Variants in TPRG1 observed in about 807,000 individuals in gnomAD.
The protein encoded by TPRG1 is tumor protein p63-regulated gene 1 protein.
In TPRG1, 29 loss-of-function variants were observed where a neutral mutation model predicts 29.3. The ratio of observed to expected loss-of-function variants is 0.99; its 90% confidence interval spans 0.74 to 1.35. The LOEUF is 1.35. Ranked by LOEUF, TPRG1 falls within the 40% of genes most tolerant of loss-of-function variation. TPRG1 has a pLI of 0.00. For synonymous variants in TPRG1, 130 were observed against 116.8 expected (o/e 1.11, Z -0.73); for missense variants, 327 against 335.0 (o/e 0.98, Z 0.19).
chr3:189,060,261 C>T (rs942117147), intron 4 of TPRG1, among the ~76,000 whole-genome samples: 1 of 152,072 alleles, frequency 6.6e-6, no homozygotes, highest in Non-Finnish European at 1.5e-5. Context: ...AAACAAAAAA[C>T]TCAATAAACT....
chr3:189,147,643 C>T (rs1348193617), exon 4 of TPRG1: 1 of 152,208 alleles, frequency 6.6e-6, no homozygotes, highest in Non-Finnish European at 1.5e-5. Context: ...ATCCCAGGCC[C>T]ACAGGTAAGG....
intron 4 of TPRG1, among the ~76,000 whole-genome samples, chr3:189,272,715 C>T (rs1346563317): frequency 1.4e-4 from 13 of 95,354 alleles, no homozygotes; most frequent in African/African-American, 5.9e-4. Flanking sequence ...CTTTCTTTCT[C>T]CTTCCTTCCT....
At chr3:189,093,714 A>G (rs147775814) in intron 4 of TPRG1, among the ~76,000 whole-genome samples, 200 of 152,318 alleles carry the variant, frequency 1.3e-3, no homozygotes, top group South Asian at 6.2e-3. Context: ...GGCTCATGCC[A>G]CTAAATTCCA....
intron 4 of TPRG1, among the ~76,000 whole-genome samples, chr3:189,150,499 T>C (rs764962114): frequency 3.3e-5 from 5 of 152,102 alleles, no homozygotes; most frequent in Non-Finnish European, 7.4e-5. Flanking sequence ...GGATTTCTAC[T>C]GTTGATTTAC....
intron 4 of TPRG1, among the ~76,000 whole-genome samples, chr3:189,070,547 C>G (rs1716750751): frequency 6.6e-6 from 1 of 152,214 alleles, no homozygotes; most frequent in South Asian, 2.1e-4. Flanking sequence ...ACTGGAGAAA[C>G]TGGGTAAGGT....
intron 2 of TPRG1, among the ~76,000 whole-genome samples, chr3:189,211,344 G>A (rs1735229484): frequency 6.6e-6 from 1 of 152,158 alleles, no homozygotes; most frequent in South Asian, 2.1e-4. Context: ...TTTCTCCAGT[G>A]CCAGGAGTAA....
chr3:189,310,347 T>G, intron 4 of TPRG1, 39 bp from the exon 5 acceptor site: 1 of 1,460,540 alleles, frequency 6.8e-7, no homozygotes, highest in South Asian at 1.5e-5. Context: ...TTTTTGGAAA[T>G]GGAAATGACT....
At chr3:189,063,400 C>T (rs73048772) in intron 4 of TPRG1, among the ~76,000 whole-genome samples, 2,664 of 152,044 alleles carry the variant, frequency 0.018, 77 homozygotes, top group African/African-American at 0.06. Flanking sequence ...ATGAACCACA[C>T]AATTATTCAC....
chr3:189,085,067 A>T, intron 4 of TPRG1, among the ~76,000 whole-genome samples: 1 of 152,364 alleles, frequency 6.6e-6, no homozygotes, highest in East Asian at 1.9e-4. Flanking sequence ...GCTGTTTAAC[A>T]AATGAGGACA....
intron 4 of TPRG1, among the ~76,000 whole-genome samples, chr3:189,261,106 CA>C (rs1400736327): frequency 1.3e-5 from 2 of 152,122 alleles, no homozygotes; most frequent in African/African-American, 4.8e-5. Flanking sequence ...CCTGTCTAGA[CA>C]ATCTAATTAT....
intron 1 of TPRG1, among the ~76,000 whole-genome samples, chr3:189,176,911 T>C (rs1273505391): frequency 6.6e-6 from 1 of 152,228 alleles, no homozygotes; most frequent in Admixed American, 6.5e-5. Flanking sequence ...TCACTCTGAT[T>C]GAAATAGGAG....
chr3:189,150,357 A>G (rs1725776512), intron 4 of TPRG1, among the ~76,000 whole-genome samples: 1 of 152,080 alleles, frequency 6.6e-6, no homozygotes, highest in African/African-American at 2.4e-5. Flanking sequence ...AAATTTTTGT[A>G]TTTTTAGTAG....
chr3:189,126,882 T>C (rs1305381793), intron 1 of TPRG1, among the ~76,000 whole-genome samples: 2 of 152,014 alleles, frequency 1.3e-5, no homozygotes, highest in African/African-American at 4.8e-5. Flanking sequence ...GATTTCATTG[T>C]GAAATAATTG....
At chr3:189,264,335 A>G (rs1194561023) in intron 4 of TPRG1, among the ~76,000 whole-genome samples, 1 of 152,192 alleles carries the variant, frequency 6.6e-6, no homozygotes, top group Non-Finnish European at 1.5e-5. Context: ...TTGCTTTGGG[A>G]AAGTTTACTA....
intron 2 of TPRG1, among the ~76,000 whole-genome samples, chr3:189,131,152 C>T (rs1270833714): frequency 6.6e-6 from 1 of 152,098 alleles, no homozygotes; most frequent in Non-Finnish European, 1.5e-5. Flanking sequence ...TAAATCGGAG[C>T]AGCGATTATG....
In TPRG1 at chr3:189,247,032, GT is replaced by G. The variant is rs1358594659; in HGVS notation, c.479+8126del. On this transcript the variant is annotated intron_variant, in intron 4 of 5. Transcript: ENST00000345063. ...ATTTATCTTTCAACAAGTTTCGGAG[GT>G]TTGGGGCTATTACTTTTTATTTCAT... Among the ~76,000 whole-genome samples the G allele has an allele frequency of 2.0e-5, 3 of 151,868 alleles. No homozygotes were observed. The East Asian group carries it at 5.8e-4, about 29-fold the overall frequency.
chr3:189,172,413 G>A (rs1015585418), intron 1 of TPRG1, among the ~76,000 whole-genome samples: 1 of 152,048 alleles, frequency 6.6e-6, no homozygotes, highest in African/African-American at 2.4e-5. Context: ...CAGTAGGATG[G>A]GTATAATTTT....
chr3:189,276,649 A>G (rs1716191953), intron 4 of TPRG1, among the ~76,000 whole-genome samples: 1 of 152,168 alleles, frequency 6.6e-6, no homozygotes, highest in Non-Finnish European at 1.5e-5. Flanking sequence ...AGCTTAATAG[A>G]TCATGTGTAT....
chr3:189,087,237 T>C (rs1217053347), intron 4 of TPRG1, among the ~76,000 whole-genome samples: 1 of 152,228 alleles, frequency 6.6e-6, no homozygotes, highest in Non-Finnish European at 1.5e-5. Flanking sequence ...TGGTTTTGAT[T>C]TGCATTTCTC....
Sources: gnomAD v4.1 joint callset for allele counts (sites outside exome capture counted in the v4.1 genomes callset) on GRCh38, gnomAD v4.1.1 for gene constraint, MANE v1.5 for transcripts, NCBI Gene and HGNC (gene_info 2026-07-23, HGNC 2026-07-21) for gene names.